The following NOVA1 variants were observed in gnomAD, a reference collection of about 807,000 sequenced individuals.
The protein encoded by NOVA1 is RNA-binding protein Nova-1.
NOVA1 carries 7 observed loss-of-function variants against 38.0 expected under a neutral mutation model. The observed-to-expected ratio is 0.18, with a 90% CI of 0.10 to 0.35. The LOEUF (loss-of-function observed/expected upper bound fraction) is 0.35, where lower values mean the gene tolerates loss of function less well. Among genes scored for constraint, NOVA1 ranks in the 10% least tolerant of loss-of-function variants. The probability of loss-of-function intolerance (pLI) is 1.00; values close to 1 mark genes in which losing one functional copy is unlikely to be tolerated. For synonymous variants in NOVA1, 270 were observed against 232.5 expected (o/e 1.16, Z -1.47); for missense variants, 460 against 616.0 (o/e 0.75, Z 2.68).
intron 2 of NOVA1, among the ~76,000 whole-genome samples, chr14:26,553,247 A>G (rs887917016): frequency 2.0e-5 from 3 of 152,212 alleles, no homozygotes; most frequent in African/African-American, 7.2e-5. Context: ...CAAGTATTTT[A>G]TATTTGGAAG....
intron 3 of NOVA1, among the ~76,000 whole-genome samples, chr14:26,473,925 A>G (rs1025169273): frequency 2.0e-5 from 3 of 151,976 alleles, no homozygotes; most frequent in Non-Finnish European, 4.4e-5. Context: ...AATTCTTGCT[A>G]TTTCTCAAGA....
intron 2 of NOVA1, among the ~76,000 whole-genome samples, chr14:26,567,808 T>C (rs1354892092): frequency 6.6e-6 from 1 of 152,232 alleles, no homozygotes; most frequent in Non-Finnish European, 1.5e-5. Flanking sequence ...AACTTTTTTA[T>C]TGCTCAAGAT....
In NOVA1 at chr14:26,443,709, T is replaced by C. The variant is rs1188103278; in HGVS notation, c.*4250A>G. ...TAACAATATTATGTATTCATGTTTA[T>C]GAGAAACCAAGCAGAAGGCAAAATG... is the stretch of plus-strand genomic sequence containing the variant. On this transcript the variant is annotated 3_prime_UTR_variant, in exon 5 of 5. Coordinates refer to ENST00000539517, the MANE Select transcript of NOVA1 (RefSeq NM_002515.3). The C allele has an allele frequency of 6.6e-6, 1 of 152,076 alleles. No homozygotes were observed. Among genetic ancestry groups the C allele is most frequent in the African/African-American group, 2.4e-5 (1 of 41,362 alleles). The allele number at this position is 152,076 out of a possible 1,614,324, so 9.4% of individuals were successfully genotyped here.
At chr14:26,503,089 C>G (rs1887362394) in intron 2 of NOVA1, among the ~76,000 whole-genome samples, 1 of 151,952 alleles carries the variant, frequency 6.6e-6, no homozygotes, top group African/African-American at 2.4e-5. Flanking sequence ...CAAACACATA[C>G]TTTATAATTT....
chr14:26,520,521 C>T (rs180842036), intron 2 of NOVA1, among the ~76,000 whole-genome samples: 5 of 152,214 alleles, frequency 3.3e-5, no homozygotes, highest in Admixed American at 3.3e-4. Context: ...ACAAAAAGCA[C>T]AAAATTAAGC....
chr14:26,556,548 C>T (rs1298853963), intron 2 of NOVA1, among the ~76,000 whole-genome samples: 1 of 152,146 alleles, frequency 6.6e-6, no homozygotes, highest in African/African-American at 2.4e-5. Context: ...AACTCTACAA[C>T]TCCTAGAAGA....
chr14:26,541,308 A>G (rs1402822155), intron 2 of NOVA1, among the ~76,000 whole-genome samples: 1 of 151,946 alleles, frequency 6.6e-6, no homozygotes, highest in East Asian at 1.9e-4. Context: ...TTGTATAGGA[A>G]CACAATCCAG....
chr14:26,522,678 G>C (rs1037847084), intron 2 of NOVA1, among the ~76,000 whole-genome samples: 1 of 151,984 alleles, frequency 6.6e-6, no homozygotes, highest in Non-Finnish European at 1.5e-5. Flanking sequence ...CTATATAGTA[G>C]GGCAAGTCAG....
chr14:26,511,485 T>C (rs1046119585), intron 2 of NOVA1, among the ~76,000 whole-genome samples: 18 of 152,260 alleles, frequency 1.2e-4, no homozygotes, highest in African/African-American at 4.1e-4. Flanking sequence ...AAGAGCTTCC[T>C]GGCCGGGCGC....
At chr14:26,559,054 A>G (rs937177409) in intron 2 of NOVA1, among the ~76,000 whole-genome samples, 2 of 152,046 alleles carry the variant, frequency 1.3e-5, no homozygotes, top group African/African-American at 2.4e-5. Context: ...TTTCAACAAG[A>G]AAGTAGTAGT....
chr14:26,491,634 T>A (rs2138356980), intron 2 of NOVA1, among the ~76,000 whole-genome samples: 1 of 152,306 alleles, frequency 6.6e-6, no homozygotes, highest in East Asian at 1.9e-4. Context: ...TAATATGATA[T>A]GAGGAGGGTT....
rs1165205596 is a variant in NOVA1, at chr14:26,526,403, C to A, written c.281-46260G>T. On this transcript the variant is annotated intron_variant, in intron 2 of 4. Transcript: ENST00000539517. Reference sequence around the variant, plus strand: ...TGTTGCTTGGAAACCTGCATAAACACTCCATGTCTTTTCAGAGAAGGAAAT... The same window carrying A: ...TGTTGCTTGGAAACCTGCATAAACAATCCATGTCTTTTCAGAGAAGGAAAT... Among the ~76,000 whole-genome samples the A allele has an allele frequency of 3.3e-5, 5 of 152,032 alleles. No individual in the cohort carries two copies. In the East Asian group the frequency reaches 9.6e-4, roughly 29 times the overall value.
chr14:26,580,929 G>GA (rs1257731387), intron 2 of NOVA1, among the ~76,000 whole-genome samples: 2 of 151,920 alleles, frequency 1.3e-5, no homozygotes, highest in Non-Finnish European at 2.9e-5. Context: ...ATTATTAAAT[G>GA]AAACAAGCAT....
Position 26,530,120 on chromosome 14 carries a change from A to G in NOVA1, c.281-49977T>C, listed in dbSNP as rs1299895004. On this transcript the variant is annotated intron_variant, in intron 2 of 4. Transcript: ENST00000539517. ...ATTTTTAGCAGAGACGGGGTTTCAC[A>G]TGTTAGCCAGGATGGTCTCGATCTC... Among the ~76,000 whole-genome samples the G allele has an allele frequency of 2.0e-5, 3 of 152,050 alleles. No individual in the cohort carries two copies. In the East Asian group the frequency reaches 5.8e-4, roughly 29 times the overall value.
intron 2 of NOVA1, among the ~76,000 whole-genome samples, chr14:26,567,497 T>C (rs1166995652): frequency 6.6e-6 from 1 of 151,966 alleles, no homozygotes; most frequent in Admixed American, 6.6e-5. Context: ...GGTCTTGCTA[T>C]GTTACCCAGG....
At chr14:26,460,741 A>G (rs541281481) in intron 4 of NOVA1, among the ~76,000 whole-genome samples, 1 of 152,200 alleles carries the variant, frequency 6.6e-6, no homozygotes, top group Non-Finnish European at 1.5e-5. Flanking sequence ...CAAAACGAGA[A>G]GGTATCAAAC....
chr14:26,480,211 T>C, intron 2 of NOVA1, 68 bp from the exon 3 acceptor site: 1 of 1,428,898 alleles, frequency 7.0e-7, no homozygotes, highest in Non-Finnish European at 9.5e-7. Context: ...TGAAAAAGGA[T>C]GATATCATAA....
chr14:26,496,859 G>C (rs1448961130), intron 2 of NOVA1, among the ~76,000 whole-genome samples: 2 of 152,064 alleles, frequency 1.3e-5, no homozygotes, highest in Non-Finnish European at 2.9e-5. Flanking sequence ...CTATATCTCT[G>C]TTTTGGTACC....
intron 2 of NOVA1, among the ~76,000 whole-genome samples, chr14:26,512,556 A>G (rs1419091763): frequency 6.6e-6 from 1 of 152,206 alleles, no homozygotes; most frequent in Non-Finnish European, 1.5e-5. Flanking sequence ...AATGTTTTAA[A>G]TTATGTAATG....
Sources: allele counts gnomAD v4.1 joint callset (sites outside exome capture counted in the v4.1 genomes callset), GRCh38; gene constraint gnomAD v4.1.1; transcripts MANE v1.5; gene names NCBI Gene and HGNC (gene_info 2026-07-23, HGNC 2026-07-21).